The following SETX variants were observed in gnomAD, a reference collection of about 807,000 sequenced individuals.
SETX encodes helicase senataxin.
In SETX, 90 loss-of-function variants were observed where a neutral mutation model predicts 227.2. The observed-to-expected ratio is 0.40, with a 90% CI of 0.33 to 0.47. The LOEUF (loss-of-function observed/expected upper bound fraction) is 0.47. SETX is among the 20% of genes least tolerant of loss of function. The pLI, the probability that SETX is intolerant of heterozygous loss-of-function variation, is 0.91. For synonymous variants in SETX, 1,210 were observed against 1,113.2 expected, an observed-to-expected ratio of 1.09 and a Z score of -1.73; for missense variants, 3,052 against 3,181.5, an observed-to-expected ratio of 0.96 and a Z score of 0.98.
At chr9:132,318,445 T>C (rs1376854715) in intron 10 of SETX, among the ~76,000 whole-genome samples, 4 of 152,154 alleles carry the variant, frequency 2.6e-5, no homozygotes, top group Non-Finnish European at 5.9e-5. Context: ...GCACATCAGC[T>C]ACAAAGGAAC....
chr9:132,277,396 T>G (rs1010170275), intron 21 of SETX, among the ~76,000 whole-genome samples: 1 of 152,134 alleles, frequency 6.6e-6, no homozygotes, highest in Non-Finnish European at 1.5e-5. Context: ...ACACTCATAA[T>G]AGAGTAAGCC....
chr9:132,328,673 C>T lies in SETX; in HGVS notation c.2925G>A (p.Thr975=), dbSNP rs373389517. 19 of 1,613,440 alleles carry T rather than the reference C, an allele frequency of 1.2e-5. No individual in the cohort carries two copies. The African/African-American group carries it at 1.3e-4, about 11-fold the overall frequency. ...LSLLAQASVI[T]FPSDSPQNSS... Reference sequence around the variant, plus strand: ...AGTTCTGAGGTGAATCGGATGGGAACGTAATAACACTGGCTTGAGCTAGTA... The same window carrying T: ...AGTTCTGAGGTGAATCGGATGGGAATGTAATAACACTGGCTTGAGCTAGTA... Residue 975 remains threonine (T), a synonymous_variant, in exon 10 of 26, where the codon ACG becomes ACA. Coordinates refer to ENST00000224140, the MANE Select transcript of SETX (RefSeq NM_015046.7).
intron 7 of SETX, among the ~76,000 whole-genome samples, chr9:132,332,832 G>T (rs1394726964): frequency 1.3e-5 from 2 of 150,846 alleles, no homozygotes; most frequent in Non-Finnish European, 2.9e-5. Context: ...GAGGCAGGAG[G>T]ATGACTTGAG....
Position 132,354,076 on chromosome 9 carries a change from T to C in SETX, c.-114-321A>G, listed in dbSNP as rs781337030. ...CAAATACCACACTCGGCCTTCTCCTTGTGGAGCTCTTTTCCCTCAAGGCAG... is the reference window on the plus strand; with the variant it reads ...CAAATACCACACTCGGCCTTCTCCTCGTGGAGCTCTTTTCCCTCAAGGCAG... On this transcript the variant is annotated intron_variant, in intron 1 of 25. Coordinates refer to ENST00000224140, the MANE Select transcript of SETX (RefSeq NM_015046.7). 6.2e-4 allele frequency among the ~76,000 whole-genome samples: 94 copies of C among 152,170 alleles called. 1 individual carries two copies. The highest frequency in any genetic ancestry group is 1.0e-3 in the Non-Finnish European group (71 of 68,028).
At position 132,264,290 on chromosome 9, in the gene SETX, C is replaced by T. The variant is rs1564462892; in HGVS notation, c.7983G>A (p.Lys2661=). Reference sequence around the variant, plus strand: ...TGCTGTCCTCCTGCTCCAGTGTCCTCTTGTCCCACCTAGAGTTCCTCCTGG... The same window carrying T: ...TGCTGTCCTCCTGCTCCAGTGTCCTTTTGTCCCACCTAGAGTTCCTCCTGG... ...HHTRRNSRWD[K]RTLEQEDSSS... Residue 2661 remains lysine (K), a synonymous_variant, in exon 26 of 26, where the codon AAG becomes AAA. Coordinates refer to ENST00000224140, the MANE Select transcript of SETX (RefSeq NM_015046.7). The T allele has an allele frequency of 6.2e-7, 1 of 1,614,210 alleles. No individual in the cohort carries two copies. Among genetic ancestry groups the T allele is most frequent in the Admixed American group, 1.7e-5 (1 of 60,024 alleles).
chr9:132,274,995 T>TA (rs1345852233), intron 23 of SETX: 4 of 479,846 alleles, frequency 8.3e-6, no homozygotes, highest in African/African-American at 7.7e-5. Flanking sequence ...GTCATGGAAC[T>TA]AAAAGGTAAA....
intron 11 of SETX, among the ~76,000 whole-genome samples, chr9:132,308,180 T>C (rs1845443331): frequency 6.6e-6 from 1 of 152,186 alleles, no homozygotes; most frequent in Admixed American, 6.5e-5. Flanking sequence ...CAAGCAGCTG[T>C]GATTATCAGA....
Position 132,349,442 on chromosome 9 carries a change from C to G in SETX, c.-7-7G>C. ...ACATGTGCTCATTCTGTACCTACAG[C>G]CAGAAAAGATGACATCAAGAAGAAA... On this transcript the variant is annotated splice_polypyrimidine_tract_variant and splice_region_variant and intron_variant, in intron 2 of 25. Transcript: ENST00000224140. 2 of 1,614,004 alleles carry G rather than the reference C, an allele frequency of 1.2e-6. No homozygotes were observed. Among genetic ancestry groups the G allele is most frequent in the Non-Finnish European group, 1.7e-6 (2 of 1,179,982 alleles).
In SETX at chr9:132,268,399, G is replaced by C. The variant is rs1452559848; in HGVS notation, c.7287+1216C>G. 2.6e-5 allele frequency among the ~76,000 whole-genome samples: 4 copies of C among 152,220 alleles called. No homozygotes were observed. The East Asian group carries it at 7.7e-4, about 29-fold the overall frequency. Reference sequence around the variant, plus strand: ...GCCTATAGTCTCAGCTACTCAGGAGGCTGAGGTGGGAGAACGGCTTAAATC... The same window carrying C: ...GCCTATAGTCTCAGCTACTCAGGAGCCTGAGGTGGGAGAACGGCTTAAATC... On this transcript the variant is annotated intron_variant, in intron 25 of 25. Coordinates refer to ENST00000224140, the MANE Select transcript of SETX (RefSeq NM_015046.7).
At chr9:132,282,360 T>C (rs1016509821) in intron 19 of SETX, among the ~76,000 whole-genome samples, 4 of 151,410 alleles carry the variant, frequency 2.6e-5, no homozygotes, top group Non-Finnish European at 4.4e-5. Flanking sequence ...GGCAATGACA[T>C]GATCGTTGTT....
chr9:132,351,567 G>A (rs144220512), intron 2 of SETX, among the ~76,000 whole-genome samples: 17 of 152,240 alleles, frequency 1.1e-4, no homozygotes, highest in African/African-American at 2.6e-4. Context: ...AGAAGATAAC[G>A]GAGAATACTG....
intron 5 of SETX, among the ~76,000 whole-genome samples, 171 bp from the exon 6 acceptor site, chr9:132,336,686 A>C (rs183635168): frequency 6.6e-6 from 1 of 152,320 alleles, no homozygotes; most frequent in Admixed American, 6.5e-5. Flanking sequence ...AACCCCTAAT[A>C]AACAGTTTTA....
At chr9:132,286,856 A>C (rs941213553) in intron 17 of SETX, among the ~76,000 whole-genome samples, 1 of 152,220 alleles carries the variant, frequency 6.6e-6, no homozygotes, top group South Asian at 2.1e-4. Flanking sequence ...TCTTCTTAAA[A>C]ATAGGGATTA....
intron 23 of SETX, 120 bp downstream of exon 23, chr9:132,275,136 C>T (rs1380012024): frequency 3.2e-5 from 34 of 1,059,700 alleles, no homozygotes; most frequent in Non-Finnish European, 4.6e-5. Flanking sequence ...CCAGCTTCCT[C>T]GTGCCGTATC....
intron 14 of SETX, among the ~76,000 whole-genome samples, chr9:132,296,603 CCAGCATTCA>C (rs929368344): frequency 6.6e-6 from 1 of 151,920 alleles, no homozygotes; most frequent in African/African-American, 2.4e-5. Context: ...AAAATGCAGC[CCAGCATTCA>C]CAGCATTCTA....
At position 132,328,484 on chromosome 9, in the gene SETX, T is replaced by G. The variant is rs1199015909; in HGVS notation, c.3114A>C (p.Lys1038Asn). The G allele has an allele frequency of 1.9e-6, 3 of 1,613,884 alleles. No individual in the cohort carries two copies. The highest frequency in any genetic ancestry group is 4.5e-5 in the East Asian group (2 of 44,872). Residue 1038 changes from lysine (K) to asparagine (N), a missense_variant, in exon 10 of 26, where the codon AAA becomes AAC. Lys to Asn is a moderately conservative substitution (Grantham distance 94, BLOSUM62 0). Coordinates refer to ENST00000224140, the MANE Select transcript of SETX (RefSeq NM_015046.7). ...LSLEKLTKQD[K>N]ICLEREHPEQ... is the part of the protein sequence containing the mutation. ...CTGGATGTTCCCTCTCAAGGCATAT[T>G]TTGTCCTGTTTAGTGAGTTTCTCAA...
intron 10 of SETX, among the ~76,000 whole-genome samples, chr9:132,319,443 C>G (rs1297081032): frequency 6.6e-6 from 1 of 152,176 alleles, no homozygotes; most frequent in East Asian, 1.9e-4. Context: ...AATGAAATAT[C>G]AACCTGCAGC....
Position 132,300,501 on chromosome 9 carries a change from T to C in SETX, c.5548+129A>G. 15 of 981,258 alleles carry C rather than the reference T, an allele frequency of 1.5e-5. No homozygotes were observed. In the South Asian group the frequency reaches 1.6e-4, roughly 11 times the overall value. The allele number at this position is 981,258 out of a possible 1,614,324, so 60.8% of individuals were successfully genotyped here. On this transcript the variant is annotated intron_variant, in intron 12 of 25. Coordinates refer to ENST00000224140, the MANE Select transcript of SETX (RefSeq NM_015046.7). ...CTAGAAAAGAGACTCTGAATGGCCA[T>C]GTAATCAACATAGCAAAAACATGTT...
chr9:132,322,156 G>A (rs187522103), intron 10 of SETX, among the ~76,000 whole-genome samples: 7 of 152,022 alleles, frequency 4.6e-5, no homozygotes, highest in Non-Finnish European at 8.8e-5. Context: ...TGTTTTCCTA[G>A]GCATCTTTTT....
Sources: allele counts gnomAD v4.1 joint callset (sites outside exome capture counted in the v4.1 genomes callset), GRCh38; gene constraint gnomAD v4.1.1; transcripts MANE v1.5; gene names NCBI Gene and HGNC (gene_info 2026-07-23, HGNC 2026-07-21).